Variants in DDX24 observed in about 807,000 individuals in gnomAD.
The protein encoded by DDX24 is DEAD-box helicase 24.
DDX24 carries 24 observed loss-of-function variants against 68.9 expected under a neutral mutation model. The observed-to-expected ratio is 0.35, with a 90% CI of 0.25 to 0.49. The LOEUF (loss-of-function observed/expected upper bound fraction) is 0.49, where lower values mean the gene tolerates loss of function less well. Among genes scored for constraint, DDX24 ranks in the 20% least tolerant of loss-of-function variants. The probability of loss-of-function intolerance (pLI) is 0.99; values close to 1 mark genes in which losing one functional copy is unlikely to be tolerated. For missense variants in DDX24, 989 were observed against 1,039.0 expected (o/e 0.95, Z 0.66); for synonymous variants, 395 against 385.2 (o/e 1.03, Z -0.30).
chr14:94,072,991 A>G (rs1314361402), intron 2 of DDX24, among the ~76,000 whole-genome samples: 1 of 139,044 alleles, frequency 7.2e-6, no homozygotes, highest in African/African-American at 2.6e-5. Context: ...TAAATAAATC[A>G]GGTATGCTAT....
chr14:94,066,097 G>C (rs554119916), intron 2 of DDX24, among the ~76,000 whole-genome samples: 1 of 152,338 alleles, frequency 6.6e-6, no homozygotes, highest in South Asian at 2.1e-4. Flanking sequence ...CTGGGAAGCA[G>C]ATAACCTTGG....
chr14:94,071,526 G>C (rs1885829326), intron 2 of DDX24, among the ~76,000 whole-genome samples: 1 of 152,182 alleles, frequency 6.6e-6, no homozygotes, highest in Non-Finnish European at 1.5e-5. Flanking sequence ...GCAGGCACCT[G>C]TAATCCCAGC....
chr14:94,059,573 C>T (rs1047798695), intron 5 of DDX24, among the ~76,000 whole-genome samples: 3 of 152,224 alleles, frequency 2.0e-5, no homozygotes, highest in African/African-American at 7.2e-5. Context: ...CTGTTCTAAA[C>T]ACTTTACACG....
intron 2 of DDX24, among the ~76,000 whole-genome samples, chr14:94,072,863 A>G (rs533066301): frequency 2.5e-4 from 38 of 152,220 alleles, no homozygotes; most frequent in African/African-American, 9.1e-4. Context: ...TGCTCATGTA[A>G]CCAAATACCA....
At chr14:94,053,289 T>A (rs1255216383) in intron 7 of DDX24, 162 bp from the exon 8 acceptor site, 2 of 782,002 alleles carry the variant, frequency 2.6e-6, no homozygotes, top group Non-Finnish European at 3.8e-6. Context: ...CTCAACCTCC[T>A]TGGATCAAGC....
chr14:94,068,520 G>A (rs1885754604), intron 2 of DDX24, among the ~76,000 whole-genome samples: 1 of 152,138 alleles, frequency 6.6e-6, no homozygotes, highest in Admixed American at 6.5e-5. Flanking sequence ...GGACTTAACA[G>A]ATATATACAG....
At chr14:94,081,074 C>G (rs1472217879) in intron 1 of DDX24, 45 bp downstream of exon 1, 1 of 152,322 alleles carries the variant, frequency 6.6e-6, no homozygotes, top group African/African-American at 2.4e-5. Context: ...CTGGCCTCAG[C>G]CCCTCTCCAG....
chr14:94,062,726 C>T (rs1248257769), intron 2 of DDX24, 105 bp from the exon 3 acceptor site: 4 of 1,377,810 alleles, frequency 2.9e-6, no homozygotes, highest in Non-Finnish European at 2.9e-6. Flanking sequence ...TAGCCAAGTG[C>T]CACCCTGACC....
chr14:94,078,551 C>T (rs1456675593), intron 2 of DDX24, among the ~76,000 whole-genome samples: 7 of 152,216 alleles, frequency 4.6e-5, no homozygotes, highest in African/African-American at 1.7e-4. Flanking sequence ...ACTCCCAAAG[C>T]AGCAACCCTT....
intron 2 of DDX24, among the ~76,000 whole-genome samples, chr14:94,075,552 A>G (rs2141436136): frequency 6.6e-6 from 1 of 152,346 alleles, no homozygotes; most frequent in East Asian, 1.9e-4. Context: ...TAACACTTCT[A>G]GAACAAAACA....
intron 5 of DDX24, among the ~76,000 whole-genome samples, chr14:94,058,763 T>G (rs1227443485): frequency 6.6e-6 from 1 of 152,210 alleles, no homozygotes; most frequent in Non-Finnish European, 1.5e-5. Context: ...TCCTAGTTTG[T>G]AAAACATTAA....
At chr14:94,077,661 C>T (rs960803356) in intron 2 of DDX24, among the ~76,000 whole-genome samples, 3 of 150,464 alleles carry the variant, frequency 2.0e-5, no homozygotes, top group African/African-American at 7.5e-5. Context: ...ATCTTAAATG[C>T]TCAGTAAATG....
rs1339828174 is a variant in DDX24, at chr14:94,049,204, C to G, written c.*1987G>C. 2.0e-5 allele frequency: 3 copies of G among 152,262 alleles called. No individual in the cohort carries two copies. Among genetic ancestry groups the G allele is most frequent in the African/African-American group, 7.2e-5 (3 of 41,444 alleles). The allele number at this position is 152,262 out of a possible 1,614,324, so 9.4% of individuals were successfully genotyped here. On this transcript the variant is annotated 3_prime_UTR_variant, in exon 9 of 9. Coordinates refer to ENST00000621632, the MANE Select transcript of DDX24 (RefSeq NM_020414.4). Reference sequence around the variant, plus strand: ...TTGCTGTTAGATGGCTAGGGCAGGACACGGACAGTCATCAGGGGATCTATG... The same window carrying G: ...TTGCTGTTAGATGGCTAGGGCAGGAGACGGACAGTCATCAGGGGATCTATG...
At chr14:94,066,943 C>CA (rs1259052449) in intron 2 of DDX24, among the ~76,000 whole-genome samples, 3 of 152,046 alleles carry the variant, frequency 2.0e-5, no homozygotes. Context: ...CAGCCCCCAA[C>CA]AAAAAATCAT....
intron 2 of DDX24, among the ~76,000 whole-genome samples, chr14:94,069,286 GA>G (rs538098989): frequency 6.6e-6 from 1 of 151,100 alleles, no homozygotes; most frequent in Non-Finnish European, 1.5e-5. Context: ...TAAATTCCTG[GA>G]AAAAAAACCC....
At chr14:94,078,004 G>A (rs1885979790) in intron 2 of DDX24, among the ~76,000 whole-genome samples, 2 of 151,490 alleles carry the variant, frequency 1.3e-5, no homozygotes, top group South Asian at 4.2e-4. Context: ...TTCTGCATCT[G>A]TGGATCGACA....
chr14:94,062,942 AG>A (rs1227136376), intron 2 of DDX24, among the ~76,000 whole-genome samples: 1 of 152,280 alleles, frequency 6.6e-6, no homozygotes, highest in African/African-American at 2.4e-5. Context: ...AGCAGGAAAC[AG>A]TAATCCATAC....
intron 7 of DDX24, among the ~76,000 whole-genome samples, chr14:94,053,904 G>A (rs955713225): frequency 6.6e-6 from 1 of 152,210 alleles, no homozygotes; most frequent in Non-Finnish European, 1.5e-5. Flanking sequence ...CTGTTGAAAT[G>A]CATTTATTGC....
chr14:94,067,394 A>T (rs2141430546), intron 2 of DDX24, among the ~76,000 whole-genome samples: 1 of 152,326 alleles, frequency 6.6e-6, no homozygotes, highest in East Asian at 1.9e-4. Flanking sequence ...GAATGCTAAA[A>T]GCTTGGAAAA....
Sources: allele counts gnomAD v4.1 joint callset (sites outside exome capture counted in the v4.1 genomes callset), GRCh38; gene constraint gnomAD v4.1.1; transcripts MANE v1.5; gene names NCBI Gene and HGNC (gene_info 2026-07-23, HGNC 2026-07-21).